Variants in ARHGAP6 observed in about 807,000 individuals in gnomAD.
ARHGAP6 encodes the protein Rho GTPase activating protein 6.
ARHGAP6 carries 16 observed loss-of-function variants against 55.7 expected under a neutral mutation model. The observed-to-expected ratio is 0.29, with a 90% CI of 0.19 to 0.44. ARHGAP6 has a LOEUF of 0.44. Among genes scored for constraint, ARHGAP6 ranks in the 20% least tolerant of loss-of-function variants. ARHGAP6 has a pLI of 1.00. For synonymous variants in ARHGAP6, 382 were observed against 360.9 expected (o/e 1.06, Z -0.66); for missense variants, 698 against 808.9 (o/e 0.86, Z 1.66).
intron 8 of ARHGAP6, among the ~76,000 whole-genome samples, chrX:11,172,230 T>C (rs1351732198): frequency 8.9e-6 from 1 of 111,840 alleles, no homozygotes; most frequent in Non-Finnish European, 1.9e-5. Flanking sequence ...AGGTGAATGA[T>C]TGGCCTCCAA....
intron 1 of ARHGAP6, among the ~76,000 whole-genome samples, chrX:11,516,872 A>C (rs1245802885): frequency 1.4e-4 from 16 of 111,089 alleles, no homozygotes; most frequent in Non-Finnish European, 3.0e-4. Flanking sequence ...TCATCTCCAC[A>C]CTTCCTCCAA....
intron 2 of ARHGAP6, among the ~76,000 whole-genome samples, chrX:11,217,189 T>A (rs1421822264): frequency 8.9e-6 from 1 of 112,257 alleles, no homozygotes; most frequent in Non-Finnish European, 1.9e-5. Flanking sequence ...TGTGCATGTG[T>A]CTTTATAGTA....
intron 1 of ARHGAP6, among the ~76,000 whole-genome samples, chrX:11,536,553 G>A (rs1274162860): frequency 8.9e-6 from 1 of 111,888 alleles, no homozygotes; most frequent in Non-Finnish European, 1.9e-5. Context: ...CTTGACTCAG[G>A]TGCTACTTCT....
At chrX:11,539,300 T>C (rs1281082776) in intron 1 of ARHGAP6, among the ~76,000 whole-genome samples, 1 of 112,138 alleles carries the variant, frequency 8.9e-6, no homozygotes, top group Non-Finnish European at 1.9e-5. Flanking sequence ...ACTGCTATAG[T>C]TCTAACAATT....
intron 1 of ARHGAP6, among the ~76,000 whole-genome samples, chrX:11,423,760 C>T (rs888229679): frequency 1.8e-5 from 2 of 112,029 alleles, no homozygotes; most frequent in Non-Finnish European, 3.8e-5. Context: ...AACCTGCCAG[C>T]GAGAGAGAAA....
intron 2 of ARHGAP6, among the ~76,000 whole-genome samples, chrX:11,252,870 A>G (rs1403301574): frequency 9.0e-6 from 1 of 111,290 alleles, no homozygotes; most frequent in African/African-American, 3.3e-5. Flanking sequence ...TTTTTGTGCT[A>G]CTCTTTCTGG....
In ARHGAP6 at chrX:11,554,374, C is replaced by T. The variant is rs186162245; in HGVS notation, c.588+109867G>A. On this transcript the variant is annotated intron_variant, in intron 1 of 12. Transcript: ENST00000337414. ...GATAGAGAGAATAAGTTCTAAGGTT[C>T]GATAGCAGAGTACGGTGACCATAGT... Among the ~76,000 whole-genome samples, 392 of 111,424 alleles carry T rather than the reference C, an allele frequency of 3.5e-3. 5 individuals are homozygous for T. Among genetic ancestry groups the T allele is most frequent in the Admixed American group, 0.033 (345 of 10,484 alleles).
chrX:11,390,567 GA>G (rs1392146080), intron 1 of ARHGAP6, among the ~76,000 whole-genome samples: 1 of 111,256 alleles, frequency 9.0e-6, no homozygotes, highest in Non-Finnish European at 1.9e-5. Flanking sequence ...CTACTCATCT[GA>G]CAAAGGGCTA....
rs1430667553 is a variant in ARHGAP6 at position 11,142,264 on chromosome X, T to C, written c.2226A>G (p.Leu742=). 1 of 1,201,354 alleles carries C rather than the reference T, an allele frequency of 8.3e-7. No individual in the cohort carries two copies. Among genetic ancestry groups the C allele is most frequent in the African/African-American group, 1.7e-5 (1 of 57,208 alleles). ...TTCCTGGGTCTTTGGATCCGCTTTT[T>C]AATGTTGAATGCCAAGTTCCCCAGA... ...FDIWGTWHST[L]KSGSKDPGMT... The change falls in exon 12 of 13, where the codon TTA becomes TTG. Residue 742 remains leucine (L), a synonymous_variant. Transcript: ENST00000337414.
chrX:11,276,432 T>C (rs1054925588), intron 1 of ARHGAP6, among the ~76,000 whole-genome samples: 2 of 112,347 alleles, frequency 1.8e-5, no homozygotes, highest in South Asian at 7.3e-4. Flanking sequence ...CATTTCTGTC[T>C]ATTAGCATGG....
intron 1 of ARHGAP6, among the ~76,000 whole-genome samples, chrX:11,267,754 G>A (rs1438038239): frequency 8.9e-6 from 1 of 112,534 alleles, no homozygotes; most frequent in Non-Finnish European, 1.9e-5. Flanking sequence ...AAGAGTGGAA[G>A]CAAGGCAGGC....
intron 1 of ARHGAP6, among the ~76,000 whole-genome samples, chrX:11,285,994 T>C (rs2047917239): frequency 9.0e-6 from 1 of 111,561 alleles, no homozygotes; most frequent in Non-Finnish European, 1.9e-5. Flanking sequence ...GTGTTTATAG[T>C]CTGCAGAGTA....
At chrX:11,169,429 C>G (rs1225304180) in intron 9 of ARHGAP6, 76 bp downstream of exon 9, 2 of 1,028,811 alleles carry the variant, frequency 1.9e-6, no homozygotes, top group Non-Finnish European at 2.6e-6. Flanking sequence ...GGGTGGTCTA[C>G]TAGAATTTCA....
At chrX:11,276,873 G>T (rs1365647120) in intron 1 of ARHGAP6, among the ~76,000 whole-genome samples, 1 of 111,799 alleles carries the variant, frequency 8.9e-6, no homozygotes, top group Non-Finnish European at 1.9e-5. Context: ...AATAATAGAA[G>T]AGCTTGGACA....
chrX:11,506,160 T>G (rs2094138489), intron 1 of ARHGAP6, among the ~76,000 whole-genome samples: 1 of 111,797 alleles, frequency 8.9e-6, no homozygotes, highest in South Asian at 3.8e-4. Context: ...CAGAAGCGTT[T>G]GCTTCTTCTC....
intron 8 of ARHGAP6, among the ~76,000 whole-genome samples, chrX:11,175,270 T>A (rs1361710314): frequency 8.9e-6 from 1 of 112,255 alleles, no homozygotes; most frequent in African/African-American, 3.2e-5. Flanking sequence ...CAGTTCACAA[T>A]GGCTGTGAGA....
chrX:11,326,381 G>T (rs1025625819), intron 1 of ARHGAP6, among the ~76,000 whole-genome samples: 1 of 111,280 alleles, frequency 9.0e-6, no homozygotes, highest in Non-Finnish European at 1.9e-5. Flanking sequence ...ACCCGCCTTG[G>T]CCTCCCAAAG....
intron 1 of ARHGAP6, among the ~76,000 whole-genome samples, chrX:11,544,797 C>A (rs1028153034): frequency 8.9e-6 from 1 of 112,103 alleles, no homozygotes; most frequent in African/African-American, 3.2e-5. Context: ...GTAAGAAGAT[C>A]AAACATTTTA....
intron 2 of ARHGAP6, among the ~76,000 whole-genome samples, chrX:11,201,570 A>T (rs2046621269): frequency 1.0e-5 from 1 of 96,904 alleles, no homozygotes; most frequent in African/African-American, 4.1e-5. Flanking sequence ...CTGCCATAAG[A>T]ACATACCCGG....
Sources: gnomAD v4.1 joint callset for allele counts (sites outside exome capture counted in the v4.1 genomes callset) on GRCh38, gnomAD v4.1.1 for gene constraint, MANE v1.5 for transcripts, NCBI Gene and HGNC (gene_info 2026-07-23, HGNC 2026-07-21) for gene names.